The following CD36 variants were observed in gnomAD, a reference collection of about 807,000 sequenced individuals.
CD36 encodes the protein platelet glycoprotein 4.
Under a neutral mutation model 55.2 loss-of-function variants are expected in CD36, and 119 were observed. The ratio of observed to expected loss-of-function variants is 2.15; its 90% CI spans 1.86 to 2.51. CD36 has a LOEUF of 2.51. Ranked by LOEUF, CD36 falls within the 30% of genes most tolerant of loss-of-function variation. The pLI is 0.00. For missense variants in CD36, 819 were observed against 555.5 expected, an observed-to-expected ratio of 1.47 and a Z score of -4.77; for synonymous variants, 186 against 193.6, an observed-to-expected ratio of 0.96 and a Z score of 0.33.
At chr7:80,603,326 C>CA (rs1302317329) in intron 1 of CD36, among the ~76,000 whole-genome samples, 6 of 152,152 alleles carry the variant, frequency 3.9e-5, no homozygotes, top group Admixed American at 3.3e-4. Flanking sequence ...TTTGCCTTTA[C>CA]AAAAAAGGTC....
intron 1 of CD36, among the ~76,000 whole-genome samples, chr7:80,616,672 C>G (rs960991593): frequency 6.6e-6 from 1 of 152,008 alleles, no homozygotes; most frequent in African/African-American, 2.4e-5. Flanking sequence ...TTCTTGGGTA[C>G]TTTTTATTTT....
rs368036953 is a variant in CD36 at position 80,656,551 on chromosome 7, C to T, written c.132C>T (p.Leu44=). The T allele has an allele frequency of 6.6e-5, 107 of 1,613,216 alleles. No individual in the cohort carries two copies. The highest frequency in any genetic ancestry group is 8.5e-5 in the Non-Finnish European group (100 of 1,179,612). The stretch of plus-strand genomic sequence containing the variant: ...TTTCTTTTTCATAGCAAGTTGTCCT[C>T]GAAGAAGGTACAATTGCTTTTAAAA... ...IQKTIKKQVV[L]EEGTIAFKNW... is the part of the protein sequence containing the mutation. The change falls in exon 4 of 15, where the codon CTC becomes CTT. Residue 44 remains leucine, a synonymous_variant. Coordinates refer to ENST00000447544, the MANE Select transcript of CD36 (RefSeq NM_001001548.3).
rs911587604 is a variant in CD36 at position 80,679,257 on chromosome 7, CTT to C, written c.*2877_*2878del. ...TTTAAAATATTTGTGAAAATAAAAA[CTT>C]TTGTTATTAGAAAAATGATTTTGCT... On this transcript the variant is annotated 3_prime_UTR_variant, in exon 15 of 15. Coordinates refer to ENST00000447544, the MANE Select transcript of CD36 (RefSeq NM_001001548.3). 2.6e-5 allele frequency: 4 copies of C among 151,998 alleles called. No individual in the cohort carries two copies. Among genetic ancestry groups the C allele is most frequent in the African/African-American group, 9.6e-5 (4 of 41,512 alleles). The allele number at this position is 151,998 out of a possible 1,614,324, so 9.4% of individuals were successfully genotyped here.
intron 12 of CD36, 88 bp from the exon 13 acceptor site, chr7:80,673,267 G>A (rs889484718): frequency 5.1e-5 from 33 of 649,350 alleles, no homozygotes; most frequent in Non-Finnish European, 8.3e-5. Flanking sequence ...ATTAGCAACA[G>A]CAACTAATTT....
intron 1 of CD36, among the ~76,000 whole-genome samples, chr7:80,626,683 T>C (rs1793759337): frequency 6.6e-6 from 1 of 152,126 alleles, no homozygotes; most frequent in South Asian, 2.1e-4. Flanking sequence ...TGTCTTAATA[T>C]ACCATGTAAT....
chr7:80,634,283 T>G (rs1386444083), upstream of CD36, among the ~76,000 whole-genome samples: 1 of 152,064 alleles, frequency 6.6e-6, no homozygotes, highest in African/African-American at 2.4e-5. Context: ...ATGATCATCT[T>G]CATTGTTCTT....
intron 5 of CD36, among the ~76,000 whole-genome samples, chr7:80,661,618 C>T (rs1188320610): frequency 6.6e-6 from 1 of 152,110 alleles, no homozygotes; most frequent in Non-Finnish European, 1.5e-5. Flanking sequence ...AAGCAATAAA[C>T]CATTCCGAGC....
intron 1 of CD36, among the ~76,000 whole-genome samples, chr7:80,616,857 ACAG>A (rs1793193595): frequency 6.6e-6 from 1 of 152,152 alleles, no homozygotes; most frequent in Non-Finnish European, 1.5e-5. Context: ...ATGCCTAACA[ACAG>A]TAAGAAACAA....
intron 4 of CD36, among the ~76,000 whole-genome samples, chr7:80,657,241 C>T (rs1202674924): frequency 6.6e-6 from 1 of 152,120 alleles, no homozygotes; most frequent in Non-Finnish European, 1.5e-5. Context: ...AGTTGAGGCC[C>T]ACTAAAGAGT....
intron 1 of CD36, among the ~76,000 whole-genome samples, chr7:80,643,212 T>C (rs565060975): frequency 6.6e-6 from 1 of 152,040 alleles, no homozygotes; most frequent in East Asian, 1.9e-4. Flanking sequence ...GAAGAATGAT[T>C]TGGGAAAAGG....
At chr7:80,642,658 T>C (rs1794899703) in intron 1 of CD36, among the ~76,000 whole-genome samples, 1 of 152,144 alleles carries the variant, frequency 6.6e-6, no homozygotes, top group African/African-American at 2.4e-5. Context: ...TGATAATAAA[T>C]GAACCCAACT....
chr7:80,662,183 G>GC lies in CD36; in HGVS notation c.430-806dup, dbSNP rs1796587760. On this transcript the variant is annotated intron_variant, in intron 5 of 14. Transcript: ENST00000447544. ...CCTAATTCTATGGGAAACAATCCTT[G>GC]CTTATCGGAGGTGCATATCTAAATT... 4 of 152,460 alleles carry GC rather than the reference G, an allele frequency of 2.6e-5. No individual in the cohort carries two copies. In the South Asian group the frequency reaches 8.3e-4, roughly 32 times the overall value. 9.4% of individuals were successfully genotyped at this position (152,460 alleles called of 1,614,324 possible). A position where few individuals can be genotyped will look rare whatever the true frequency, so the allele number is the denominator to read the frequency against.
At chr7:80,609,194 G>A (rs181112723) in intron 1 of CD36, among the ~76,000 whole-genome samples, 4 of 152,294 alleles carry the variant, frequency 2.6e-5, no homozygotes, top group African/African-American at 4.8e-5. Context: ...CTTCACGTTT[G>A]TGGTCATTTG....
At chr7:80,670,509 T>C in intron 9 of CD36, 1 of 219,434 alleles carries the variant, frequency 4.6e-6, no homozygotes, top group South Asian at 7.0e-5. Context: ...TTTCTTCATA[T>C]ACGTGTATCT....
chr7:80,663,091 A>G lies in CD36; in HGVS notation c.531A>G (p.Glu177=), dbSNP rs754132784. The change falls in exon 6 of 15, where the codon GAA becomes GAG. Residue 177 remains glutamate, a synonymous_variant. Transcript: ENST00000447544. ...SSMFQVRTLR[E]LLWGYRDPFL... ...TGTTCCAAGTCAGAACTTTGAGAGA[A>G]CTGTTATGGGGCTATAGGGATCCAT... The G allele has an allele frequency of 6.2e-7, 1 of 1,613,706 alleles. No homozygotes were observed. Among genetic ancestry groups the G allele is most frequent in the South Asian group, 1.1e-5 (1 of 91,084 alleles).
intron 1 of CD36, among the ~76,000 whole-genome samples, chr7:80,619,125 A>G (rs961247366): frequency 1.5e-4 from 23 of 152,134 alleles, no homozygotes; most frequent in African/African-American, 5.3e-4. Flanking sequence ...TTCAAAGTCT[A>G]CTTTGCTTGA....
chr7:80,632,284 G>T (rs944267406), intron 1 of CD36, among the ~76,000 whole-genome samples: 1 of 150,000 alleles, frequency 6.7e-6, no homozygotes, highest in African/African-American at 2.4e-5. Context: ...AACAGAACAA[G>T]AATGGTATCA....
At chr7:80,664,824 T>C (rs1053834864) in intron 7 of CD36, among the ~76,000 whole-genome samples, 1 of 144,252 alleles carries the variant, frequency 6.9e-6, no homozygotes, top group Non-Finnish European at 1.5e-5. Context: ...TAATTATTCT[T>C]ACAATTAGAT....
intron 1 of CD36, among the ~76,000 whole-genome samples, chr7:80,644,448 A>G (rs1795014543): frequency 6.6e-6 from 1 of 152,238 alleles, no homozygotes; most frequent in South Asian, 2.1e-4. Flanking sequence ...TATACTGGAA[A>G]GTATCCTATG....
Sources: gnomAD v4.1 joint callset for allele counts (sites outside exome capture counted in the v4.1 genomes callset) on GRCh38, gnomAD v4.1.1 for gene constraint, MANE v1.5 for transcripts, NCBI Gene and HGNC (gene_info 2026-07-23, HGNC 2026-07-21) for gene names.